SLC2A1: variants seen among roughly 807,000 people sequenced by gnomAD.
SLC2A1 encodes solute carrier family 2 member 1, also known as solute carrier family 2, facilitated glucose transporter member 1.
In SLC2A1, 4 loss-of-function variants were observed where a neutral mutation model predicts 46.6. The observed-to-expected ratio is 0.09, with a 90% CI of 0.04 to 0.20. SLC2A1 has a LOEUF of 0.20. Ranked by LOEUF, SLC2A1 falls within the 10% of genes least tolerant of loss-of-function variation. SLC2A1 has a pLI of 1.00. For missense variants in SLC2A1, 352 were observed against 667.0 expected, an observed-to-expected ratio of 0.53 and a Z score of 5.20; for synonymous variants, 253 against 270.0, an observed-to-expected ratio of 0.94 and a Z score of 0.62.
rs753813695 is a variant in SLC2A1, at chr1:42,943,330, A to T, written c.19-9T>A. 28 of 1,606,880 alleles carry T rather than the reference A, an allele frequency of 1.7e-5. No homozygotes were observed. In the South Asian group the frequency reaches 3.0e-4, roughly 17 times the overall value. On this transcript the variant is annotated splice_polypyrimidine_tract_variant and intron_variant, in intron 1 of 9. Coordinates refer to ENST00000426263, the MANE Select transcript of SLC2A1 (RefSeq NM_006516.4). ...AGGCGACCCGTCAGCTTCTGCGGAGAAACAAACCACACTGTTATAGGCGTG... is the reference window on the plus strand; with the variant it reads ...AGGCGACCCGTCAGCTTCTGCGGAGTAACAAACCACACTGTTATAGGCGTG...
At chr1:42,928,829 C>T in intron 8 of SLC2A1, 103 bp downstream of exon 8, 1 of 1,003,684 alleles carries the variant, frequency 1.0e-6, no homozygotes, top group Admixed American at 1.7e-5. Flanking sequence ...GAGAATGCAG[C>T]CACCAAAAGG....
intron 1 of SLC2A1, among the ~76,000 whole-genome samples, chr1:42,956,407 C>CAAA (rs71577684): frequency 7.2e-4 from 32 of 44,532 alleles, no homozygotes; most frequent in African/African-American, 2.4e-3. Context: ...ACTAAAACTA[C>CAAA]AAAAAAAAAA....
chr1:42,929,334 G>T lies in SLC2A1; in HGVS notation c.868-20C>A. The T allele has an allele frequency of 6.3e-7, 1 of 1,584,084 alleles. No homozygotes were observed. ...GAAGACCTGCCAGACAAGAGAAACT[G>T]TTGGGGCCTACCTGGACATTGTGGC... On this transcript the variant is annotated intron_variant, in intron 6 of 9. Transcript: ENST00000426263. The surrounding 1 kb of genome is among the most constrained non-coding windows in gnomAD (Gnocchi z 6.0).
At chr1:42,946,666 T>C (rs576949852) in intron 1 of SLC2A1, among the ~76,000 whole-genome samples, 1 of 151,828 alleles carries the variant, frequency 6.6e-6, no homozygotes, top group African/African-American at 2.4e-5. Context: ...CAGAACAGTA[T>C]GTGCAAGGAG....
rs1002980548 is a variant in SLC2A1 at position 42,958,626 on chromosome 1, C to T, written c.18+8G>A. On this transcript the variant is annotated splice_region_variant and intron_variant, in intron 1 of 9. Coordinates refer to ENST00000426263, the MANE Select transcript of SLC2A1 (RefSeq NM_006516.4). The stretch of plus-strand genomic sequence containing the variant: ...CCTGGCGGGAGGGCCCGCGGGCGCG[C>T]GACTCACCTTGCTGCTGGGCTCCAT... 5 of 1,526,994 alleles carry T rather than the reference C, an allele frequency of 3.3e-6. No homozygotes were observed. Among genetic ancestry groups the T allele is most frequent in the Non-Finnish European group, 4.4e-6 (5 of 1,142,268 alleles). The allele number at this position is 1,526,994 out of a possible 1,614,324, so 94.6% of individuals were successfully genotyped here. A position where few individuals can be genotyped will look rare whatever the true frequency, so the allele number is the denominator to read the frequency against.
Position 42,929,080 on chromosome 1 carries a change from T to C in SLC2A1, c.973-47A>G. The stretch of plus-strand genomic sequence containing the variant: ...GTGCCACCCCTGCCTAGTGCCCTTC[T>C]GAACCCACCCACCCAGAGGCCTTGC... On this transcript the variant is annotated intron_variant, in intron 7 of 9. Coordinates refer to ENST00000426263, the MANE Select transcript of SLC2A1 (RefSeq NM_006516.4). The surrounding 1 kb of genome is among the most constrained non-coding windows in gnomAD (Gnocchi z 6.0). 1 of 1,591,308 alleles carries C rather than the reference T, an allele frequency of 6.3e-7. No individual in the cohort carries two copies.
rs1337194242 is a variant in SLC2A1 at position 42,954,647 on chromosome 1, C to A, written c.18+3987G>T. On this transcript the variant is annotated intron_variant, in intron 1 of 9. Coordinates refer to ENST00000426263, the MANE Select transcript of SLC2A1 (RefSeq NM_006516.4). The surrounding 1 kb of genome is among the most constrained non-coding windows in gnomAD (Gnocchi z 4.2). Reference sequence around the variant, plus strand: ...CCCATTTGTCAAATGGAGGGCTGGGCCATGGCTGGAAGGCCCCTCCTGCTC... The same window carrying A: ...CCCATTTGTCAAATGGAGGGCTGGGACATGGCTGGAAGGCCCCTCCTGCTC... 6.6e-6 allele frequency among the ~76,000 whole-genome samples: 1 copy of A among 152,222 alleles called. No homozygotes were observed. The highest frequency in any genetic ancestry group is 1.5e-5 in the Non-Finnish European group (1 of 68,028).
intron 1 of SLC2A1, among the ~76,000 whole-genome samples, chr1:42,953,238 G>C (rs1226634885): frequency 6.6e-6 from 1 of 152,220 alleles, no homozygotes; most frequent in Admixed American, 6.5e-5. Context: ...AGTCAGTGTG[G>C]TCACAAAGAG....
At chr1:42,952,591 C>CTGTGGGATG (rs1557654623) in intron 1 of SLC2A1, 1 of 314,618 alleles carries the variant, frequency 3.2e-6, no homozygotes, top group African/African-American at 2.2e-5. Context: ...GGAGGCAAGG[C>CTGTGGGATG]GAGCCCAGAG....
intron 2 of SLC2A1, among the ~76,000 whole-genome samples, chr1:42,942,054 C>T (rs1643604146): frequency 1.3e-5 from 2 of 152,232 alleles, no homozygotes; most frequent in South Asian, 4.1e-4. Context: ...CAAACAGGAC[C>T]CTGATCTTTG....
chr1:42,940,049 C>A (rs998942426), intron 2 of SLC2A1, among the ~76,000 whole-genome samples: 1 of 142,156 alleles, frequency 7.0e-6, no homozygotes, highest in African/African-American at 2.7e-5. Flanking sequence ...GGAAGACCTC[C>A]GCCCTCACTT....
rs149753492 is a variant in SLC2A1, at chr1:42,951,436, T to C, written c.18+7198A>G. Among the ~76,000 whole-genome samples the C allele has an allele frequency of 2.6e-5, 4 of 152,296 alleles. No individual in the cohort carries two copies. In the East Asian group the frequency reaches 7.7e-4, roughly 29 times the overall value. On this transcript the variant is annotated intron_variant, in intron 1 of 9. Coordinates refer to ENST00000426263, the MANE Select transcript of SLC2A1 (RefSeq NM_006516.4). Reference sequence around the variant, plus strand: ...ACTTGTATAGTGGCACTTGGTTGTATGTGCAGAGAGAAACACTGCCAGTAT... The same window carrying C: ...ACTTGTATAGTGGCACTTGGTTGTACGTGCAGAGAGAAACACTGCCAGTAT...
At position 42,931,153 on chromosome 1, in the gene SLC2A1, G is replaced by C; in HGVS notation, c.168C>G (p.Ile56Met). The C allele has an allele frequency of 1.2e-6, 2 of 1,614,074 alleles. No individual in the cohort carries two copies. The highest frequency in any genetic ancestry group is 1.7e-6 in the Non-Finnish European group (2 of 1,179,932). Reference protein sequence around the residue: ...QTWVHRYGESILPTTLTTLWS... With the variant: ...QTWVHRYGESMLPTTLTTLWS... ...AGAGCGTGGTGAGCGTGGTGGGCAG[G>C]ATGCTCTCCCCATAGCGGTGGACCC... The change falls in exon 3 of 10, where the codon ATC (isoleucine) becomes ATG (methionine). Residue 56 changes from isoleucine to methionine, a missense_variant. Physicochemically the swap from Ile to Met is conservative, Grantham distance 10 (BLOSUM62 1). Around this residue, in one of 5 missense-constraint regions of SLC2A1, gnomAD observed 97 missense variants for 175.6 expected, o/e 0.55. Coordinates refer to ENST00000426263, the MANE Select transcript of SLC2A1 (RefSeq NM_006516.4).
chr1:42,930,147 A>G lies in SLC2A1; in HGVS notation c.517-112T>C. 8.2e-7 allele frequency: 1 copy of G among 1,221,960 alleles called. No individual in the cohort carries two copies. Among genetic ancestry groups the G allele is most frequent in the South Asian group, 1.3e-5 (1 of 78,212 alleles). 75.7% of individuals were successfully genotyped at this position (1,221,960 alleles called of 1,614,324 possible). On this transcript the variant is annotated intron_variant, in intron 4 of 9. Coordinates refer to ENST00000426263, the MANE Select transcript of SLC2A1 (RefSeq NM_006516.4). The surrounding 1 kb of genome is among the most constrained non-coding windows in gnomAD (Gnocchi z 6.2). Reference sequence around the variant, plus strand: ...AGCTGCTGCTTCAGGGAAGGGCCCCAGTTCTAGAGGCTCTGCCACTAGCAT... The same window carrying G: ...AGCTGCTGCTTCAGGGAAGGGCCCCGGTTCTAGAGGCTCTGCCACTAGCAT...
At position 42,927,590 on chromosome 1, in the gene SLC2A1, A is replaced by G; in HGVS notation, c.1278+15T>C. 2 of 1,355,412 alleles carry G rather than the reference A, an allele frequency of 1.5e-6. No homozygotes were observed. The highest frequency in any genetic ancestry group is 2.0e-6 in the Non-Finnish European group (2 of 982,394). The allele number at this position is 1,355,412 out of a possible 1,614,324, so 84.0% of individuals were successfully genotyped here. On this transcript the variant is annotated intron_variant, in intron 9 of 9. Transcript: ENST00000426263. This position sits in a 1 kb window ranked among gnomAD's most constrained non-coding sequence, Gnocchi z 5.3. ...CATGCGTGCGGGTGAGTATAGAGAC[A>G]GTGGGGGTTCTCACCTCCACATACT...
rs1226387377 is a variant in SLC2A1 at position 42,929,477 on chromosome 1, A to T, written c.867+116T>A. The T allele has an allele frequency of 1.6e-6, 2 of 1,212,232 alleles. No individual in the cohort carries two copies. Among genetic ancestry groups the T allele is most frequent in the South Asian group, 2.5e-5 (2 of 80,084 alleles). 75.1% of individuals were successfully genotyped at this position (1,212,232 alleles called of 1,614,324 possible). On this transcript the variant is annotated intron_variant, in intron 6 of 9. Coordinates refer to ENST00000426263, the MANE Select transcript of SLC2A1 (RefSeq NM_006516.4). The surrounding 1 kb of genome is among the most constrained non-coding windows in gnomAD (Gnocchi z 6.0). The stretch of plus-strand genomic sequence containing the variant: ...GTGACCTTACGGGCTTGGGGTCTAA[A>T]GGGAAACTTCTTCGGCAGAGGCGTA...
At chr1:42,941,365 A>T (rs1643596118) in intron 2 of SLC2A1, among the ~76,000 whole-genome samples, 1 of 151,490 alleles carries the variant, frequency 6.6e-6, no homozygotes, top group African/African-American at 2.4e-5. Context: ...GACCTCCCCA[A>T]CCTTTCCCCT....
chr1:42,945,020 C>A (rs1464795735), intron 1 of SLC2A1, among the ~76,000 whole-genome samples: 2 of 152,144 alleles, frequency 1.3e-5, no homozygotes, highest in Admixed American at 1.3e-4. Context: ...CCCAGCGACA[C>A]ACCAGGTCAA....
chr1:42,939,425 T>C (rs899795351), intron 2 of SLC2A1, among the ~76,000 whole-genome samples: 4 of 152,228 alleles, frequency 2.6e-5, no homozygotes, highest in Non-Finnish European at 5.9e-5. Flanking sequence ...TTCGGTCTGC[T>C]GGGGCTGGTT....
Sources: allele counts gnomAD v4.1 joint callset (sites outside exome capture counted in the v4.1 genomes callset), GRCh38; gene constraint gnomAD v4.1.1; regional missense constraint gnomAD v4.1.1; non-coding constraint Gnocchi (gnomAD v3.1); transcripts MANE v1.5; gene names NCBI Gene and HGNC (gene_info 2026-07-23, HGNC 2026-07-21).